SLMAP: variants seen among roughly 807,000 people sequenced by gnomAD.
SLMAP encodes the protein sarcolemma associated protein, also known as sarcolemmal membrane-associated protein.
SLMAP carries 44 observed loss-of-function variants against 128.8 expected under a neutral mutation model. The observed-to-expected ratio is 0.34, with a 90% confidence interval of 0.27 to 0.44. The LOEUF is 0.44. SLMAP is among the 20% of genes least tolerant of loss of function. The probability of loss-of-function intolerance (pLI) is 1.00; values close to 1 mark genes in which losing one functional copy is unlikely to be tolerated. For synonymous variants in SLMAP, 327 were observed against 348.8 expected, an observed-to-expected ratio of 0.94 and a Z score of 0.70; for missense variants, 787 against 985.3, an observed-to-expected ratio of 0.80 and a Z score of 2.69.
chr3:57,842,963 A>AT (rs2094011177), intron 4 of SLMAP, among the ~76,000 whole-genome samples: 1 of 152,224 alleles, frequency 6.6e-6, no homozygotes, highest in Non-Finnish European at 1.5e-5. Flanking sequence ...CTCATTTGAA[A>AT]TATGAAGATG....
intron 23 of SLMAP, 68 bp downstream of exon 23, chr3:57,923,091 A>C (rs2096944450): frequency 1.4e-6 from 2 of 1,464,524 alleles, no homozygotes; most frequent in African/African-American, 1.4e-5. Context: ...TGATTTTCAG[A>C]GGACTTTATC....
intron 10 of SLMAP, among the ~76,000 whole-genome samples, chr3:57,862,309 CTCCA>C (rs1031060145): frequency 1.3e-5 from 2 of 151,340 alleles, no homozygotes; most frequent in African/African-American, 4.9e-5. Flanking sequence ...CAGAGCGATA[CTCCA>C]TCTCAAAGGA....
chr3:57,817,545 A>G (rs2092005857), intron 2 of SLMAP, among the ~76,000 whole-genome samples: 1 of 152,230 alleles, frequency 6.6e-6, no homozygotes, highest in Non-Finnish European at 1.5e-5. Flanking sequence ...GGAATACCCC[A>G]ATCTTCAAAG....
At chr3:57,918,102 C>G (rs1211529045) in intron 22 of SLMAP, 1 of 152,114 alleles carries the variant, frequency 6.6e-6, no homozygotes, top group African/African-American at 2.4e-5. Context: ...TGCGGACATA[C>G]TGATTTTGTG....
At chr3:57,848,883 GT>G (rs1311257951) in intron 5 of SLMAP, among the ~76,000 whole-genome samples, 4 of 151,330 alleles carry the variant, frequency 2.6e-5, no homozygotes, top group Non-Finnish European at 4.4e-5. Flanking sequence ...CTAATTTTAC[GT>G]TTTTAGTAGA....
At chr3:57,865,317 A>T (rs1054552702) in intron 13 of SLMAP, 25 bp downstream of exon 13, 1 of 1,003,328 alleles carries the variant, frequency 1.0e-6, no homozygotes, top group South Asian at 1.6e-5. Flanking sequence ...TTAAATATAT[A>T]TATACTTTTT....
intron 4 of SLMAP, among the ~76,000 whole-genome samples, chr3:57,846,292 G>A (rs2094247580): frequency 6.6e-6 from 1 of 152,124 alleles, no homozygotes; most frequent in Admixed American, 6.6e-5. Flanking sequence ...GGCCAACAAG[G>A]CAACTGGTAC....
chr3:57,791,511 T>G (rs578091835), intron 2 of SLMAP, among the ~76,000 whole-genome samples: 1 of 152,300 alleles, frequency 6.6e-6, no homozygotes, highest in Non-Finnish European at 1.5e-5. Flanking sequence ...GCTCTGCTAC[T>G]AAGATAACAT....
At position 57,871,654 on chromosome 3, in the gene SLMAP, G is replaced by T; in HGVS notation, c.1256G>T (p.Ser419Ile). The change falls in exon 14 of 25, where the codon AGT becomes ATT. Residue 419 changes from serine (S) to isoleucine (I), a missense_variant. Ser to Ile is a moderately radical substitution (Grantham distance 142, BLOSUM62 -2). Coordinates refer to ENST00000671191, the MANE Select transcript of SLMAP (RefSeq NM_001377540.1). ...STEKEHLLSK[S>I]GGDCTFIHQF... Reference sequence around the variant, plus strand: ...TTATTAGAGCACTTGCTTTCAAAGAGTGGCGGGGACTGCACTTTTATTCAT... The same window carrying T: ...TTATTAGAGCACTTGCTTTCAAAGATTGGCGGGGACTGCACTTTTATTCAT... The T allele has an allele frequency of 1.2e-6, 2 of 1,613,024 alleles. No homozygotes were observed. Among genetic ancestry groups the T allele is most frequent in the Non-Finnish European group, 1.7e-6 (2 of 1,179,144 alleles).
intron 3 of SLMAP, among the ~76,000 whole-genome samples, chr3:57,836,660 G>T (rs1023260547): frequency 2.6e-5 from 4 of 152,166 alleles, no homozygotes; most frequent in African/African-American, 7.2e-5. Flanking sequence ...TTGATGTTTG[G>T]CATTCTTTGT....
chr3:57,774,509 A>AATTATTATTATTATT (rs66990452), intron 2 of SLMAP, among the ~76,000 whole-genome samples: 39 of 147,420 alleles, frequency 2.6e-4, no homozygotes, highest in African/African-American at 9.3e-4. Context: ...TTTAATAGAC[A>AATTATTATTATTATT]ATTATTATTA....
At chr3:57,807,627 C>G (rs1344775010) in intron 2 of SLMAP, among the ~76,000 whole-genome samples, 1 of 152,118 alleles carries the variant, frequency 6.6e-6, no homozygotes, top group African/African-American at 2.4e-5. Context: ...GCCTTGCATC[C>G]CAGGGATGAA....
At chr3:57,874,992 G>A (rs1200242869) in intron 14 of SLMAP, among the ~76,000 whole-genome samples, 1 of 151,986 alleles carries the variant, frequency 6.6e-6, no homozygotes, top group Admixed American at 6.6e-5. Flanking sequence ...AAAGGTGTTT[G>A]AAGATTTTTG....
chr3:57,847,133 C>A, intron 4 of SLMAP, 64 bp from the exon 5 acceptor site: 2 of 978,318 alleles, frequency 2.0e-6, no homozygotes, highest in Admixed American at 2.1e-5. Context: ...TATTCTGGTG[C>A]TCTCATACTC....
chr3:57,845,428 T>C (rs2094194602), intron 4 of SLMAP, among the ~76,000 whole-genome samples: 1 of 152,254 alleles, frequency 6.6e-6, no homozygotes, highest in Non-Finnish European at 1.5e-5. Flanking sequence ...AGACCAGTTC[T>C]TACAGTGTTT....
chr3:57,871,305 A>G (rs757280670), intron 13 of SLMAP, among the ~76,000 whole-genome samples: 3 of 152,190 alleles, frequency 2.0e-5, no homozygotes, highest in Non-Finnish European at 4.4e-5. Context: ...ATTTAATTTA[A>G]TAATGACAAA....
At chr3:57,862,182 G>A in intron 10 of SLMAP, 96 bp downstream of exon 10, 2 of 989,860 alleles carry the variant, frequency 2.0e-6, no homozygotes, top group Non-Finnish European at 3.0e-6. Context: ...TGGGCGTGGG[G>A]TGGCGGGCGC....
intron 8 of SLMAP, among the ~76,000 whole-genome samples, chr3:57,859,448 G>A (rs1047907000): frequency 1.3e-5 from 2 of 152,096 alleles, no homozygotes; most frequent in East Asian, 1.9e-4. Flanking sequence ...CTAGCTACTC[G>A]GGAGGCTTAG....
At chr3:57,895,030 A>G (rs2096203331) in intron 15 of SLMAP, among the ~76,000 whole-genome samples, 1 of 151,882 alleles carries the variant, frequency 6.6e-6, no homozygotes, top group Non-Finnish European at 1.5e-5. Flanking sequence ...GGTGGCTCAC[A>G]CCTGTAATTC....
Sources: allele counts gnomAD v4.1 joint callset (sites outside exome capture counted in the v4.1 genomes callset), GRCh38; gene constraint gnomAD v4.1.1; transcripts MANE v1.5; gene names NCBI Gene and HGNC (gene_info 2026-07-23, HGNC 2026-07-21).